Variants in VEGFC observed in about 807,000 individuals in gnomAD.
VEGFC encodes vascular endothelial growth factor C.
A neutral mutation model predicts 46.1 loss-of-function variants in VEGFC; 12 were observed. The ratio of observed to expected loss-of-function variants is 0.26; its 90% CI spans 0.17 to 0.42. VEGFC has a LOEUF of 0.42. Among genes scored for constraint, VEGFC ranks in the 10% least tolerant of loss-of-function variants. VEGFC has a pLI of 1.00. For missense variants in VEGFC, 488 were observed against 529.4 expected (o/e 0.92, Z 0.77); for synonymous variants, 232 against 195.5 (o/e 1.19, Z -1.56).
Position 176,727,121 on chromosome 4 carries a change from T to C in VEGFC, c.552+657A>G, listed in dbSNP as rs933478101. Among the ~76,000 whole-genome samples the C allele has an allele frequency of 3.3e-5, 5 of 152,300 alleles. No individual in the cohort carries two copies. In the East Asian group the frequency reaches 7.7e-4, roughly 24 times the overall value. Reference sequence around the variant, plus strand: ...TCCACAGCCAGCCTCCTCTACCACGTAAGGCCCACAAAGCGGGTTTATGTG... The same window carrying C: ...TCCACAGCCAGCCTCCTCTACCACGCAAGGCCCACAAAGCGGGTTTATGTG... On this transcript the variant is annotated intron_variant, in intron 3 of 6. Transcript: ENST00000618562.
At chr4:176,744,921 C>T (rs142775531) in intron 1 of VEGFC, among the ~76,000 whole-genome samples, 8 of 152,118 alleles carry the variant, frequency 5.3e-5, no homozygotes, top group Admixed American at 1.3e-4. Context: ...ATTATTTCTA[C>T]GCTAATTCCA....
chr4:176,783,764 A>C (rs1735952576), intron 1 of VEGFC, among the ~76,000 whole-genome samples: 1 of 152,302 alleles, frequency 6.6e-6, no homozygotes, highest in South Asian at 2.1e-4. Context: ...CCAGACACTG[A>C]ATGATTAAAC....
intron 3 of VEGFC, among the ~76,000 whole-genome samples, chr4:176,723,390 C>A (rs191436413): frequency 7.6e-6 from 1 of 132,208 alleles, no homozygotes; most frequent in Non-Finnish European, 1.6e-5. Flanking sequence ...TTGTTACATA[C>A]GTAAACTTTT....
intron 4 of VEGFC, among the ~76,000 whole-genome samples, chr4:176,693,703 A>G (rs1047202000): frequency 1.4e-5 from 2 of 143,134 alleles, no homozygotes; most frequent in African/African-American, 5.9e-5. Flanking sequence ...AAATGAAGGA[A>G]AAAATGTTAA....
Position 176,733,075 on chromosome 4 carries a change from C to T in VEGFC, c.148-3329G>A, listed in dbSNP as rs1385734. On this transcript the variant is annotated intron_variant, in intron 1 of 6. Coordinates refer to ENST00000618562, the MANE Select transcript of VEGFC (RefSeq NM_005429.5). ...ATTAAAACCTTAATAAGACACCACT[C>T]CACACCCATTAGAGTGGATAAAATT... is the stretch of plus-strand genomic sequence containing the variant. 2.9e-3 allele frequency among the ~76,000 whole-genome samples: 443 copies of T among 151,988 alleles called. 4 individuals are homozygous for T. The highest frequency in any genetic ancestry group is 9.4e-3 in the African/African-American group (388 of 41,494).
At chr4:176,753,189 T>C (rs371347382) in intron 1 of VEGFC, among the ~76,000 whole-genome samples, 6 of 152,162 alleles carry the variant, frequency 3.9e-5, no homozygotes, top group African/African-American at 1.4e-4. Flanking sequence ...AATTGTTTAT[T>C]ATTGTTTTGC....
At chr4:176,763,032 G>A (rs1735556984) in intron 1 of VEGFC, among the ~76,000 whole-genome samples, 1 of 152,214 alleles carries the variant, frequency 6.6e-6, no homozygotes. Flanking sequence ...AAGGAAGAAA[G>A]AAATCTCCTC....
chr4:176,722,462 C>T (rs1399379818), intron 3 of VEGFC, among the ~76,000 whole-genome samples: 2 of 150,886 alleles, frequency 1.3e-5, no homozygotes, highest in African/African-American at 4.8e-5. Context: ...CATCTTACCC[C>T]TGGCCCCTTG....
At position 176,701,026 on chromosome 4, in the gene VEGFC, C is replaced by T. The variant is rs144116800; in HGVS notation, c.704+10473G>A. ...TTCTGCATGATACTGTAATGATTGA[C>T]ACATCATTTATACCTTTGTCAAAAT... On this transcript the variant is annotated intron_variant, in intron 4 of 6. Coordinates refer to ENST00000618562, the MANE Select transcript of VEGFC (RefSeq NM_005429.5). Among the ~76,000 whole-genome samples the T allele has an allele frequency of 4.1e-3, 629 of 152,252 alleles. 3 individuals are homozygous for T. Among genetic ancestry groups the T allele is most frequent in the African/African-American group, 0.015 (605 of 41,550 alleles).
chr4:176,762,744 G>T (rs916617470), intron 1 of VEGFC, among the ~76,000 whole-genome samples: 4 of 152,102 alleles, frequency 2.6e-5, no homozygotes, highest in African/African-American at 7.2e-5. Flanking sequence ...ATTCCTAGGG[G>T]TGCAAAAATA....
At chr4:176,684,424 T>C (rs1395069654) in intron 6 of VEGFC, among the ~76,000 whole-genome samples, 2 of 152,168 alleles carry the variant, frequency 1.3e-5, no homozygotes, top group South Asian at 2.1e-4. Flanking sequence ...CTGGGACTTG[T>C]ATGGGACCCA....
intron 1 of VEGFC, among the ~76,000 whole-genome samples, chr4:176,780,399 A>AAACAAAAAAAAAAAC (rs11275954): frequency 2.0e-5 from 3 of 149,292 alleles, no homozygotes; most frequent in Non-Finnish European, 4.5e-5. Flanking sequence ...AAAAAAAAAA[A>AAACAAAAAAAAAAAC]CTCCTTCTAA....
intron 1 of VEGFC, among the ~76,000 whole-genome samples, chr4:176,734,493 A>G (rs1386878200): frequency 6.6e-6 from 1 of 151,798 alleles, no homozygotes; most frequent in Non-Finnish European, 1.5e-5. Context: ...ATGTTAGAAA[A>G]CCTATCTTTA....
At chr4:176,714,366 A>C (rs1734664986) in intron 3 of VEGFC, among the ~76,000 whole-genome samples, 1 of 152,128 alleles carries the variant, frequency 6.6e-6, no homozygotes, top group Admixed American at 6.5e-5. Context: ...CAAGATTGCA[A>C]GCTTCCTGAG....
intron 1 of VEGFC, among the ~76,000 whole-genome samples, chr4:176,755,496 T>C (rs1356326373): frequency 2.0e-5 from 3 of 151,956 alleles, no homozygotes; most frequent in Admixed American, 6.6e-5. Flanking sequence ...CTTGATAACA[T>C]ACCATTTATT....
At chr4:176,760,027 T>C (rs1735502212) in intron 1 of VEGFC, among the ~76,000 whole-genome samples, 1 of 152,070 alleles carries the variant, frequency 6.6e-6, no homozygotes, top group African/African-American at 2.4e-5. Context: ...AAGGAGGACA[T>C]AAAACAAATA....
intron 4 of VEGFC, chr4:176,689,688 T>C (rs1311766138): frequency 6.6e-6 from 1 of 152,162 alleles, no homozygotes; most frequent in Non-Finnish European, 1.5e-5. Flanking sequence ...CTATTATGGG[T>C]CTTTTATTTA....
chr4:176,749,940 G>T (rs981102891), intron 1 of VEGFC, among the ~76,000 whole-genome samples: 2 of 151,120 alleles, frequency 1.3e-5, no homozygotes, highest in Admixed American at 6.6e-5. Context: ...AAACCTGTTA[G>T]CTTTACACTG....
intron 1 of VEGFC, among the ~76,000 whole-genome samples, chr4:176,741,833 A>G (rs1158331130): frequency 4.6e-5 from 7 of 152,032 alleles, no homozygotes; most frequent in African/African-American, 1.7e-4. Context: ...ATGATACATT[A>G]TTAAAGTAAG....
Sources: allele counts gnomAD v4.1 joint callset (sites outside exome capture counted in the v4.1 genomes callset), GRCh38; gene constraint gnomAD v4.1.1; transcripts MANE v1.5; gene names NCBI Gene and HGNC (gene_info 2026-07-23, HGNC 2026-07-21).